Variants in TMEM235 observed in about 807,000 individuals in gnomAD.
TMEM235 encodes the protein claudin-27.
Under a neutral mutation model 22.9 loss-of-function variants are expected in TMEM235, and 23 were observed. The ratio of observed to expected loss-of-function variants is 1.00; its 90% CI spans 0.72 to 1.42. The LOEUF (loss-of-function observed/expected upper bound fraction) is 1.42, where lower values mean the gene tolerates loss of function less well. Ranked by LOEUF, TMEM235 falls within the 40% of genes most tolerant of loss-of-function variation. TMEM235 has a pLI of 0.00. For synonymous variants in TMEM235, 137 were observed against 140.5 expected (o/e 0.98, Z 0.17); for missense variants, 308 against 299.5 (o/e 1.03, Z -0.21).
chr17:78,231,546 T>C lies in TMEM235; in HGVS notation c.-478T>C, dbSNP rs767316937. On this transcript the variant is annotated 5_prime_UTR_variant, in exon 2 of 6. Transcript: ENST00000421688. ...GCCAGCCCGTGCCAGGCTCCTATGC[T>C]TCCAGGAGCACGGGTGGGTGGTCCT... 3.1e-6 allele frequency: 4 copies of C among 1,303,856 alleles called. No individual in the cohort carries two copies. The South Asian group carries it at 3.7e-5, about 12-fold the overall frequency. The allele number at this position is 1,303,856 out of a possible 1,614,324, so 80.8% of individuals were successfully genotyped here. A position where few individuals can be genotyped will look rare whatever the true frequency, so the allele number is the denominator to read the frequency against.
chr17:78,239,273 G>C, exon 5 of TMEM235: 1 of 1,538,632 alleles, frequency 6.5e-7, no homozygotes. Flanking sequence ...GTGGGAGGGA[G>C]GTAAGAGGGG....
At chr17:78,240,170 C>A in exon 6 of TMEM235, 1 of 877,770 alleles carries the variant, frequency 1.1e-6, no homozygotes, top group Non-Finnish European at 1.5e-6. Flanking sequence ...CCCTGGTGGG[C>A]ACACTGAGCT....
chr17:78,236,845 T>G (rs527959420), intron 4 of TMEM235, among the ~76,000 whole-genome samples: 98 of 152,268 alleles, frequency 6.4e-4, no homozygotes, highest in African/African-American at 2.1e-3. Context: ...AGCCTTGGTA[T>G]TGGTCACAGG....
intron 3 of TMEM235, chr17:78,234,230 C>G (rs774907122): frequency 1.4e-6 from 1 of 694,854 alleles, no homozygotes; most frequent in South Asian, 1.5e-5. Context: ...ATTGGGGAAG[C>G]CAGGCAGCTC....
Position 78,238,585 on chromosome 17 carries a change from T to TGTGTGTGA in TMEM235, c.410-438_410-437insTGTGTGAG, listed in dbSNP as rs750495355. On this transcript the variant is annotated intron_variant, in intron 4 of 5. Transcript: ENST00000421688. This position sits in a 1 kb window ranked among gnomAD's most constrained non-coding sequence, Gnocchi z 4.3. ...GTGTGTGTGTGTGTGTGTGTGTGTG[T>TGTGTGTGA]GAATGTGTGCAAATGTGTTCGTGTA... 0.014 allele frequency among the ~76,000 whole-genome samples: 2,051 copies of TGTGTGTGA among 142,932 alleles called. 27 individuals are homozygous for TGTGTGTGA. Among genetic ancestry groups the TGTGTGTGA allele is most frequent in the Middle Eastern group, 0.026 (7 of 274 alleles). The allele number at this position is 142,932 out of a possible 152,430, so 93.8% of individuals were successfully genotyped here. A position where few individuals can be genotyped will look rare whatever the true frequency, so the allele number is the denominator to read the frequency against.
At chr17:78,233,932 C>T in exon 3 of TMEM235, 1 of 1,535,630 alleles carries the variant, frequency 6.5e-7, no homozygotes. Context: ...ACCCTTTTGC[C>T]AGTGAGAGCC....
chr17:78,238,548 CTCTGTGTGTGTG>C lies in TMEM235; in HGVS notation c.410-474_410-463del, dbSNP rs2076669782. Among the ~76,000 whole-genome samples the C allele has an allele frequency of 1.0e-5, 1 of 96,390 alleles. No individual in the cohort carries two copies. Among genetic ancestry groups the C allele is most frequent in the African/African-American group, 3.8e-5 (1 of 26,144 alleles). The allele number at this position is 96,390 out of a possible 152,430, so 63.2% of individuals were successfully genotyped here. A position where few individuals can be genotyped will look rare whatever the true frequency, so the allele number is the denominator to read the frequency against. On this transcript the variant is annotated intron_variant, in intron 4 of 5. Coordinates refer to ENST00000421688, the Ensembl canonical transcript of TMEM235. The surrounding 1 kb of genome is among the most constrained non-coding windows in gnomAD (Gnocchi z 4.3). Reference sequence around the variant, plus strand: ...ACGCTGCTGCCAGCAGAGGCCATGGCTCTGTGTGTGTGTGTGTGTGTGTGTGTGTGTGTGTGT... The same window carrying C: ...ACGCTGCTGCCAGCAGAGGCCATGGCTGTGTGTGTGTGTGTGTGTGTGTGT...
chr17:78,240,307 G>A, exon 6 of TMEM235: 1 of 247,860 alleles, frequency 4.0e-6, no homozygotes. Context: ...AGGGGCCAGG[G>A]CTGCCTAGGG....
exon 3 of TMEM235, chr17:78,233,914 G>A (rs1434945620): frequency 7.2e-6 from 11 of 1,535,920 alleles, no homozygotes; most frequent in Non-Finnish European, 9.6e-6. Flanking sequence ...GCTGCATCCC[G>A]CTGGTCGACC....
At chr17:78,231,819 C>A (rs553536227) in exon 2 of TMEM235, 2 of 1,205,030 alleles carry the variant, frequency 1.7e-6, no homozygotes, top group Admixed American at 3.6e-5. Context: ...GCGAGCTCAG[C>A]GACCGCAGAG....
chr17:78,234,244 G>A (rs1303968504), intron 3 of TMEM235: 1 of 693,632 alleles, frequency 1.4e-6, no homozygotes, highest in Non-Finnish European at 2.6e-6. Context: ...GCAGCTCCCA[G>A]CTTGGCTGGA....
At position 78,237,316 on chromosome 17, in the gene TMEM235, C is replaced by CA. The variant is rs2076655203; in HGVS notation, c.410-1708_410-1707insA. 6.6e-6 allele frequency among the ~76,000 whole-genome samples: 1 copy of CA among 152,080 alleles called. No individual in the cohort carries two copies. The highest frequency in any genetic ancestry group is 2.4e-5 in the African/African-American group (1 of 41,390). ...GCCCCAGATCGATTGGGTGCCCTTC[C>CA]CTGAGACAGGATCTTGGGGGGCCTG... On this transcript the variant is annotated intron_variant, in intron 4 of 5. Transcript: ENST00000421688. This position sits in a 1 kb window ranked among gnomAD's most constrained non-coding sequence, Gnocchi z 4.7.
At chr17:78,239,894 A>C (rs1229443134) in exon 6 of TMEM235, 1 of 1,551,200 alleles carries the variant, frequency 6.4e-7, no homozygotes, top group Non-Finnish European at 8.7e-7. Context: ...CTCTCCCCGA[A>C]GGGCAGGCTT....
At position 78,233,750 on chromosome 17, in the gene TMEM235, C is replaced by T. The variant is rs760454409; in HGVS notation, c.191-145C>T. 22 of 632,132 alleles carry T rather than the reference C, an allele frequency of 3.5e-5. 1 individual carries two copies. Among genetic ancestry groups the T allele is most frequent in the Admixed American group, 1.5e-4 (5 of 32,870 alleles). 39.2% of individuals were successfully genotyped at this position (632,132 alleles called of 1,614,324 possible). A position where few individuals can be genotyped will look rare whatever the true frequency, so the allele number is the denominator to read the frequency against. ...CAAGGCTAAAGGTCTTGGGCCTTTT[C>T]ATCCCACTTGGAGTCCCAGCCCTGA... On this transcript the variant is annotated intron_variant, in intron 2 of 5. Transcript: ENST00000421688.
Position 78,239,532 on chromosome 17 carries a change from C to T in TMEM235, c.660-248C>T, listed in dbSNP as rs921958202. On this transcript the variant is annotated intron_variant, in intron 5 of 5. Transcript: ENST00000421688. ...ACCGCCTCTTAGAGATGAGAAGAGC[C>T]AGTCCAGAAAGAGGAAGTAAGTGGC... is the stretch of plus-strand genomic sequence containing the variant. Among the ~76,000 whole-genome samples, 56 of 152,246 alleles carry T rather than the reference C, an allele frequency of 3.7e-4. 1 individual carries two copies. The highest frequency in any genetic ancestry group is 2.8e-3 in the Admixed American group (43 of 15,292).
exon 2 of TMEM235, chr17:78,231,910 C>T: frequency 1.0e-6 from 1 of 991,972 alleles, no homozygotes; most frequent in South Asian, 4.6e-5. Context: ...CTCAGAAGAG[C>T]CGGGCGCCGC....
intron 2 of TMEM235, among the ~76,000 whole-genome samples, chr17:78,233,446 G>A (rs1000571248): frequency 5.3e-5 from 8 of 152,298 alleles, no homozygotes; most frequent in East Asian, 1.9e-4. Context: ...GGTGGCCCAC[G>A]CCTGTAATCC....
chr17:78,240,527 A>T (rs1446501627), exon 6 of TMEM235: 1 of 156,228 alleles, frequency 6.4e-6, no homozygotes, highest in Non-Finnish European at 1.4e-5. Flanking sequence ...GCAGATGGAC[A>T]GTTGAGGTGG....
Position 78,238,243 on chromosome 17 carries a change from G to A in TMEM235, c.410-781G>A, listed in dbSNP as rs145117113. Among the ~76,000 whole-genome samples the A allele has an allele frequency of 1.1e-3, 163 of 152,304 alleles. 2 individuals carry two copies. In the East Asian group the frequency reaches 0.025, roughly 24 times the overall value. ...GCTCGTTGCTGGACCCTGAACTGCC[G>A]GATGAAGCCTGGTGCCCGCCACCCT... is the stretch of plus-strand genomic sequence containing the variant. On this transcript the variant is annotated intron_variant, in intron 4 of 5. Coordinates refer to ENST00000421688, the Ensembl canonical transcript of TMEM235. This position sits in a 1 kb window ranked among gnomAD's most constrained non-coding sequence, Gnocchi z 4.3.
Sources: allele counts gnomAD v4.1 joint callset (sites outside exome capture counted in the v4.1 genomes callset), GRCh38; gene constraint gnomAD v4.1.1; non-coding constraint Gnocchi (gnomAD v3.1); transcripts MANE v1.5; gene names NCBI Gene and HGNC (gene_info 2026-07-23, HGNC 2026-07-21).